Variants in MCF2L observed in about 807,000 individuals in gnomAD.
MCF2L encodes the protein MCF.2 cell line derived transforming sequence like.
Under a neutral mutation model 153.4 loss-of-function variants are expected in MCF2L, and 97 were observed. The ratio of observed to expected loss-of-function variants is 0.63; its 90% CI spans 0.54 to 0.75. MCF2L has a LOEUF of 0.75. MCF2L is among the 30% of genes least tolerant of loss of function. The pLI is 0.00. For synonymous variants in MCF2L, 659 were observed against 632.2 expected, an observed-to-expected ratio of 1.04 and a Z score of -0.64; for missense variants, 1,347 against 1,495.2, an observed-to-expected ratio of 0.90 and a Z score of 1.64.
Position 113,070,027 on chromosome 13 carries a change from C to T in MCF2L, c.882-32C>T. The stretch of plus-strand genomic sequence containing the variant: ...CCACGTTGCATGGGGCGCCGTGGGC[C>T]ACACAGACGGTCAACTCCTCCTCTT... On this transcript the variant is annotated intron_variant, in intron 8 of 29. Transcript: ENST00000535094. The surrounding 1 kb of genome is among the most constrained non-coding windows in gnomAD (Gnocchi z 5.6). 1 of 1,534,922 alleles carries T rather than the reference C, an allele frequency of 6.5e-7. No homozygotes were observed. The highest frequency in any genetic ancestry group is 1.7e-4 in the Middle Eastern group (1 of 5,870).
rs994461693 is a variant in MCF2L at position 113,027,160 on chromosome 13, C to T, written c.278+2402C>T. 22 of 671,280 alleles carry T rather than the reference C, an allele frequency of 3.3e-5. No homozygotes were observed. The highest frequency in any genetic ancestry group is 2.6e-4 in the Middle Eastern group (1 of 3,810). 41.6% of individuals were successfully genotyped at this position (671,280 alleles called of 1,614,324 possible). A position where few individuals can be genotyped will look rare whatever the true frequency, so the allele number is the denominator to read the frequency against. On this transcript the variant is annotated intron_variant, in intron 3 of 29. Coordinates refer to ENST00000535094, the MANE Select transcript of MCF2L (RefSeq NM_001112732.3). The surrounding 1 kb of genome is among the most constrained non-coding windows in gnomAD (Gnocchi z 4.8). ...GTGAAAGTGCAGCCGTGGCCATTAC[C>T]GTGAAGGTTCTTCATTCTTCAGTCT...
intron 4 of MCF2L, among the ~76,000 whole-genome samples, chr13:113,055,553 G>C (rs1440101594): frequency 6.6e-6 from 1 of 152,162 alleles, no homozygotes; most frequent in African/African-American, 2.4e-5. Context: ...ATCAGAAAAA[G>C]ACTGGTTTTC....
chr13:112,991,026 C>T (rs896896537), intron 1 of MCF2L, among the ~76,000 whole-genome samples: 31 of 152,358 alleles, frequency 2.0e-4, no homozygotes, highest in Non-Finnish European at 7.3e-5. Flanking sequence ...AAAGCCTGCT[C>T]GGCCTCCGCC....
rs183056843 is a variant in MCF2L at position 112,932,031 on chromosome 13, A to G, written c.169+29660A>G. On this transcript the variant is annotated intron_variant, in intron 2 of 29. Coordinates refer to the MCF2L transcript ENST00000375608. This position sits in a 1 kb window ranked among gnomAD's most constrained non-coding sequence, Gnocchi z 4.6. ...CAGAAGAATTCCCCATCCTTCATGT[A>G]GATGAGTTGTTGTCACGAGGGGAGC... Among the ~76,000 whole-genome samples, 137 of 152,370 alleles carry G rather than the reference A, an allele frequency of 9.0e-4. No individual in the cohort carries two copies. The highest frequency in any genetic ancestry group is 3.2e-3 in the African/African-American group (133 of 41,586).
intron 2 of MCF2L, among the ~76,000 whole-genome samples, chr13:112,964,161 C>T (rs751928700): frequency 1.3e-5 from 2 of 152,222 alleles, no homozygotes; most frequent in Non-Finnish European, 2.9e-5. Context: ...TCGGATGGCC[C>T]CTGCCCACAG....
rs1023685908 is a variant in MCF2L at position 112,993,939 on chromosome 13, C to G, written c.80-20824C>G. Among the ~76,000 whole-genome samples, 2 of 134,816 alleles carry G rather than the reference C, an allele frequency of 1.5e-5. No homozygotes were observed. The highest frequency in any genetic ancestry group is 5.4e-5 in the African/African-American group (2 of 37,034). 88.4% of individuals were successfully genotyped at this position (134,816 alleles called of 152,430 possible). On this transcript the variant is annotated intron_variant, in intron 1 of 29. Coordinates refer to ENST00000535094, the MANE Select transcript of MCF2L (RefSeq NM_001112732.3). This position sits in a 1 kb window ranked among gnomAD's most constrained non-coding sequence, Gnocchi z 4.6. ...GCTCGATTTCCCTTCAGATAAAAGGCACAATCACAACAGCAGCAAACACAC... is the reference window on the plus strand; with the variant it reads ...GCTCGATTTCCCTTCAGATAAAAGGGACAATCACAACAGCAGCAAACACAC...
chr13:113,085,040 G>T, intron 19 of MCF2L, 46 bp from the exon 20 acceptor site: 1 of 1,612,324 alleles, frequency 6.2e-7, no homozygotes, highest in Non-Finnish European at 8.5e-7. Flanking sequence ...CGACTCCTGA[G>T]GAATAATGAA....
At position 112,917,122 on chromosome 13, in the gene MCF2L, C is replaced by T. The variant is rs751862579; in HGVS notation, c.169+14751C>T. 1.8e-4 allele frequency: 86 copies of T among 471,170 alleles called. 1 individual carries two copies. The highest frequency in any genetic ancestry group is 3.2e-4 in the Middle Eastern group (1 of 3,100). The allele number at this position is 471,170 out of a possible 1,614,324, so 29.2% of individuals were successfully genotyped here. On this transcript the variant is annotated intron_variant, in intron 2 of 29. Transcript: ENST00000375608. ...TCTCCATCTGTACTCAGCCCCTCGG[C>T]GATCTCAGTCCCCTGGCTTGTGACC... is the stretch of plus-strand genomic sequence containing the variant.
chr13:113,016,159 G>A (rs1472307359), intron 2 of MCF2L, among the ~76,000 whole-genome samples: 3 of 152,196 alleles, frequency 2.0e-5, no homozygotes, highest in African/African-American at 7.2e-5. Context: ...GGGGGATTTT[G>A]CAGATGAATT....
intron 1 of MCF2L, chr13:113,002,102 C>G: frequency 8.1e-7 from 1 of 1,227,428 alleles, no homozygotes; most frequent in Non-Finnish European, 1.1e-6. Context: ...GCTGCTGGGG[C>G]AGAAGCCCGG....
At position 113,096,478 on chromosome 13, in the gene MCF2L, C is replaced by A; in HGVS notation, c.3183C>A (p.Gly1061=). 1 of 1,587,824 alleles carries A rather than the reference C, an allele frequency of 6.3e-7. No individual in the cohort carries two copies. The highest frequency in any genetic ancestry group is 8.6e-7 in the Non-Finnish European group (1 of 1,168,386). ...VVELVQEGDE[G]LWYVRDPTTG... ...AGCTGGTGCAGGAGGGCGACGAGGG[C>A]CTCTGGTAAGACCCCGCGCTCAGCC... Residue 1061 remains glycine, a synonymous_variant, in exon 28 of 30, where the codon GGC becomes GGA. Transcript: ENST00000535094.
chr13:113,052,642 C>T (rs1007570562), intron 4 of MCF2L: 2 of 159,916 alleles, frequency 1.3e-5, no homozygotes, highest in Non-Finnish European at 2.9e-5. Context: ...GCAGCAGCCT[C>T]GTGTCTTTTT....
rs114465816 is a variant in MCF2L at position 113,001,464 on chromosome 13, C to T, written c.80-13299C>T. ...TGGGGCTAGCACAGGGGATGCGGACCTCGGCCTAGGTCCCCACAGCTGTGG... is the reference window on the plus strand; with the variant it reads ...TGGGGCTAGCACAGGGGATGCGGACTTCGGCCTAGGTCCCCACAGCTGTGG... On this transcript the variant is annotated intron_variant, in intron 1 of 29. Coordinates refer to ENST00000535094, the MANE Select transcript of MCF2L (RefSeq NM_001112732.3). The T allele has an allele frequency of 4.8e-4, 77 of 159,496 alleles. 1 individual carries two copies. The highest frequency in any genetic ancestry group is 1.5e-3 in the African/African-American group (61 of 41,790). The allele number at this position is 159,496 out of a possible 1,614,324, so 9.9% of individuals were successfully genotyped here.
intron 9 of MCF2L, among the ~76,000 whole-genome samples, chr13:113,071,940 A>G (rs924559394): frequency 1.3e-5 from 2 of 152,244 alleles, no homozygotes; most frequent in African/African-American, 2.4e-5. Flanking sequence ...TGTTAAACCT[A>G]TATTTTAAGG....
intron 2 of MCF2L, among the ~76,000 whole-genome samples, chr13:112,921,741 G>C (rs549408265): frequency 4.6e-5 from 7 of 152,172 alleles, no homozygotes; most frequent in Non-Finnish European, 8.8e-5. Context: ...CAGAAGGCTG[G>C]AAAAGAAACA....
At chr13:112,924,125 T>G (rs531695899) in intron 2 of MCF2L, among the ~76,000 whole-genome samples, 2 of 151,828 alleles carry the variant, frequency 1.3e-5, no homozygotes, top group South Asian at 2.1e-4. Context: ...GACCTAAAAA[T>G]ACGCACACAC....
At chr13:113,009,053 G>C (rs138230816) in intron 1 of MCF2L, 4 of 152,312 alleles carry the variant, frequency 2.6e-5, no homozygotes, top group Non-Finnish European at 4.4e-5. Context: ...GCCAAGTGCG[G>C]ATGTGCGAGT....
rs940297561 is a variant in MCF2L, at chr13:113,058,991, A to G, written c.370-1602A>G. 7.3e-3 allele frequency among the ~76,000 whole-genome samples: 529 copies of G among 72,412 alleles called. 4 individuals carry two copies. The highest frequency in any genetic ancestry group is 0.027 in the African/African-American group (501 of 18,760). 47.5% of individuals were successfully genotyped at this position (72,412 alleles called of 152,430 possible). On this transcript the variant is annotated intron_variant, in intron 4 of 29. Transcript: ENST00000535094. ...GCGCTGTTTGGGTGCTGAGTGTTTCAGTGCCATTTGGGTGCTGAGTGGGTG... is the reference window on the plus strand; with the variant it reads ...GCGCTGTTTGGGTGCTGAGTGTTTCGGTGCCATTTGGGTGCTGAGTGGGTG...
Position 113,012,247 on chromosome 13 carries a change from C to T in MCF2L, c.80-2516C>T, listed in dbSNP as rs576431979. On this transcript the variant is annotated intron_variant, in intron 1 of 29. Coordinates refer to ENST00000535094, the MANE Select transcript of MCF2L (RefSeq NM_001112732.3). ...TGGATGGTGGACACTGCGATGAGGA[C>T]GGTGGACACTGCGATGAGGACAGTG... 1.1e-3 allele frequency among the ~76,000 whole-genome samples: 114 copies of T among 100,370 alleles called. 10 individuals carry two copies. The highest frequency in any genetic ancestry group is 3.5e-3 in the African/African-American group (97 of 27,856). The allele number at this position is 100,370 out of a possible 152,430, so 65.8% of individuals were successfully genotyped here. A position where few individuals can be genotyped will look rare whatever the true frequency, so the allele number is the denominator to read the frequency against.
Sources: gnomAD v4.1 joint callset for allele counts (sites outside exome capture counted in the v4.1 genomes callset) on GRCh38, gnomAD v4.1.1 for gene constraint, Gnocchi (gnomAD v3.1) non-coding constraint, MANE v1.5 for transcripts, NCBI Gene and HGNC (gene_info 2026-07-23, HGNC 2026-07-21) for gene names.